The following WDR20 variants were observed in gnomAD, a reference collection of about 807,000 sequenced individuals.
WDR20 encodes the protein WD repeat domain 20, also known as WD repeat-containing protein 20.
In WDR20, 3 loss-of-function variants were observed where a neutral mutation model predicts 38.7. That is an observed-to-expected ratio of 0.08 (90% CI 0.04 to 0.20). WDR20 has a LOEUF of 0.20. Among genes scored for constraint, WDR20 ranks in the 10% least tolerant of loss-of-function variants. The pLI, the probability that WDR20 is intolerant of heterozygous loss-of-function variation, is 1.00. For missense variants in WDR20, 559 were observed against 727.7 expected (o/e 0.77, Z 2.67); for synonymous variants, 298 against 285.6 (o/e 1.04, Z -0.44).
At chr14:102,182,307 C>T (rs904293523) in intron 1 of WDR20, among the ~76,000 whole-genome samples, 1 of 152,146 alleles carries the variant, frequency 6.6e-6, no homozygotes, top group African/African-American at 2.4e-5. Context: ...ACACTGAATG[C>T]CATTTGAAGA....
At chr14:102,213,851 G>A (rs1022826209), downstream of WDR20, 25 of 985,336 alleles carry the variant, frequency 2.5e-5, no homozygotes, top group South Asian at 1.4e-4. Context: ...GGTTGGGGGC[G>A]GCTGGAGAAG....
intron 2 of WDR20, among the ~76,000 whole-genome samples, chr14:102,201,238 CT>C (rs895675253): frequency 1.4e-4 from 21 of 152,050 alleles, no homozygotes; most frequent in African/African-American, 4.8e-4. Context: ...TGCATTATGG[CT>C]TTTCAAGCAG....
chr14:102,220,334 C>T lies in WDR20; in HGVS notation c.1693-2496C>T, dbSNP rs528683488. ...CAGTCCAACCTGAAAAGTGCCATAA[C>T]GTGTCAACCACACAGCACACCTCAA... On this transcript the variant is annotated intron_variant, in intron 3 of 3. Coordinates refer to the WDR20 transcript ENST00000335263. This position sits in a 1 kb window ranked among gnomAD's most constrained non-coding sequence, Gnocchi z 4.2. Among the ~76,000 whole-genome samples the T allele has an allele frequency of 5.3e-5, 8 of 152,304 alleles. No homozygotes were observed. The South Asian group carries it at 1.0e-3, about 20-fold the overall frequency.
At chr14:102,142,774 CTTTTTTTTTTTT>C (rs71116885) in intron 1 of WDR20, among the ~76,000 whole-genome samples, 3 of 85,038 alleles carry the variant, frequency 3.5e-5, no homozygotes, top group Non-Finnish European at 2.2e-5. Flanking sequence ...GCTGTTTTGA[CTTTTTTTTTTTT>C]TTTTTTTTTT....
chr14:102,194,289 G>A (rs900182627), intron 1 of WDR20, among the ~76,000 whole-genome samples: 4 of 152,212 alleles, frequency 2.6e-5, no homozygotes, highest in Non-Finnish European at 5.9e-5. Context: ...TCCAGAAGAG[G>A]GATTTTGACC....
At position 102,139,971 on chromosome 14, in the gene WDR20, A is replaced by G. The variant is rs777252446; in HGVS notation, c.48A>G (p.Gln16=). 9.5e-5 allele frequency: 153 copies of G among 1,613,986 alleles called. No individual in the cohort carries two copies. Among genetic ancestry groups the G allele is most frequent in the Non-Finnish European group, 1.3e-4 (149 of 1,180,018 alleles). ...AGGAGATGAACGAGATTAAGACCCA[A>G]TTCACCACCCGGGAAGGTCTGTACA... ...GGKEMNEIKT[Q]FTTREGLYKL... The change falls in exon 1 of 3, where the codon CAA becomes CAG. Residue 16 remains glutamine, a synonymous_variant. Coordinates refer to ENST00000342702, the MANE Select transcript of WDR20 (RefSeq NM_144574.4).
At chr14:102,176,839 C>T (rs896352122) in intron 1 of WDR20, among the ~76,000 whole-genome samples, 56 of 152,106 alleles carry the variant, frequency 3.7e-4, no homozygotes, top group African/African-American at 1.4e-3. Context: ...GTTCATTCTC[C>T]TGCCTCAGCC....
chr14:102,216,881 C>T (rs984067831), downstream of WDR20, among the ~76,000 whole-genome samples: 15 of 152,158 alleles, frequency 9.9e-5, no homozygotes, highest in South Asian at 2.1e-4. Context: ...TGCAATGAGT[C>T]GAGATGGCGC....
At chr14:102,142,774 C>CTGTTTTTTTTTTTTTT (rs1193456475) in intron 1 of WDR20, among the ~76,000 whole-genome samples, 1 of 85,038 alleles carries the variant, frequency 1.2e-5, no homozygotes, top group African/African-American at 4.3e-5. Flanking sequence ...GCTGTTTTGA[C>CTGTTTTTTTTTTTTTT]TTTTTTTTTT....
downstream of WDR20, chr14:102,214,626 T>C: frequency 1.0e-6 from 1 of 985,168 alleles, no homozygotes; most frequent in Non-Finnish European, 1.2e-6. Flanking sequence ...TTATTAGAGA[T>C]TGTTATGTTA....
intron 1 of WDR20, among the ~76,000 whole-genome samples, chr14:102,192,618 C>G (rs938850257): frequency 3.3e-4 from 51 of 152,246 alleles, no homozygotes; most frequent in African/African-American, 1.2e-3. Flanking sequence ...TGAGGGGTCC[C>G]TAAGTCTAAC....
intron 1 of WDR20, among the ~76,000 whole-genome samples, chr14:102,193,197 C>T (rs1402753744): frequency 2.0e-5 from 3 of 150,630 alleles, no homozygotes; most frequent in Non-Finnish European, 3.0e-5. Flanking sequence ...TTCTCTCAGG[C>T]CAGGATTCTC....
chr14:102,188,895 A>AT (rs2065575076), intron 1 of WDR20, among the ~76,000 whole-genome samples: 1 of 140,050 alleles, frequency 7.1e-6, no homozygotes, highest in Admixed American at 7.0e-5. Flanking sequence ...AAAAAAAAAA[A>AT]TTCCAGAGAT....
In WDR20 at chr14:102,209,410, A is replaced by G. The variant is rs750220629; in HGVS notation, c.1240A>G (p.Asn414Asp). ...TGCCACGAGTCCTCCTGCTGGAAGC[A>G]ATGGGAACAGTGTTACAACACCCGG... ...MNATSPPAGS[N>D]GNSVTTPGNS... Residue 414 changes from asparagine (N) to aspartate (D), a missense_variant, in exon 3 of 3, where the codon AAT (asparagine) becomes GAT (aspartate). Asn to Asp is a conservative substitution (Grantham distance 23). Coordinates refer to ENST00000342702, the MANE Select transcript of WDR20 (RefSeq NM_144574.4). This position sits in a 1 kb window ranked among gnomAD's most constrained non-coding sequence, Gnocchi z 6.0. The G allele has an allele frequency of 6.2e-7, 1 of 1,614,174 alleles. No homozygotes were observed.
intron 1 of WDR20, chr14:102,178,970 A>G (rs2062768957): frequency 6.6e-6 from 1 of 152,110 alleles, no homozygotes; most frequent in South Asian, 2.1e-4. Context: ...CCAAGGCTAC[A>G]CAGCTGGTAA....
At position 102,140,085 on chromosome 14, in the gene WDR20, C is replaced by T; in HGVS notation, c.162C>T (p.Asn54=). The part of the protein sequence containing the change: ...GSNPVRVSFV[N]LNDQSGNGDR... Reference sequence around the variant, plus strand: ...ACCCTGTCCGCGTCTCCTTCGTAAACCTCAACGACCAGTCTGGCAACGGCG... The same window carrying T: ...ACCCTGTCCGCGTCTCCTTCGTAAATCTCAACGACCAGTCTGGCAACGGCG... Residue 54 remains asparagine, a synonymous_variant, in exon 1 of 3, where the codon AAC becomes AAT. Coordinates refer to ENST00000342702, the MANE Select transcript of WDR20 (RefSeq NM_144574.4). The T allele has an allele frequency of 1.2e-6, 2 of 1,614,222 alleles. No individual in the cohort carries two copies. Among genetic ancestry groups the T allele is most frequent in the African/African-American group, 2.7e-5 (2 of 75,058 alleles).
At chr14:102,177,879 T>C (rs1212062022) in intron 1 of WDR20, among the ~76,000 whole-genome samples, 3 of 152,234 alleles carry the variant, frequency 2.0e-5, no homozygotes, top group Non-Finnish European at 4.4e-5. Flanking sequence ...TGTTATGTTT[T>C]CTGTCTTACA....
chr14:102,219,920 G>C (rs2063695797), downstream of WDR20, among the ~76,000 whole-genome samples: 3 of 152,242 alleles, frequency 2.0e-5, no homozygotes. Flanking sequence ...GAGTGGGACA[G>C]TGGAGGGCAT....
downstream of WDR20, among the ~76,000 whole-genome samples, chr14:102,218,153 C>T (rs991566563): frequency 1.3e-5 from 2 of 152,232 alleles, no homozygotes; most frequent in African/African-American, 2.4e-5. Flanking sequence ...TGCCATGAAA[C>T]GGGTCCCAGG....
Sources: gnomAD v4.1 joint callset for allele counts (sites outside exome capture counted in the v4.1 genomes callset) on GRCh38, gnomAD v4.1.1 for gene constraint, Gnocchi (gnomAD v3.1) non-coding constraint, MANE v1.5 for transcripts, NCBI Gene and HGNC (gene_info 2026-07-23, HGNC 2026-07-21) for gene names.